Variants in NVL observed in about 807,000 individuals in gnomAD.
NVL encodes nuclear valosin-containing protein-like.
In NVL, 84 loss-of-function variants were observed where a neutral mutation model predicts 110.2. The ratio of observed to expected loss-of-function variants is 0.76; its 90% CI spans 0.64 to 0.91. NVL has a LOEUF of 0.91. NVL is among the 40% of genes least tolerant of loss of function. The pLI, the probability that NVL is intolerant of heterozygous loss-of-function variation, is 0.00. For missense variants in NVL, 882 were observed against 1,035.9 expected, an observed-to-expected ratio of 0.85 and a Z score of 2.04; for synonymous variants, 354 against 361.1, an observed-to-expected ratio of 0.98 and a Z score of 0.22.
chr1:224,264,393 G>A (rs565795637), intron 18 of NVL, among the ~76,000 whole-genome samples: 4 of 151,656 alleles, frequency 2.6e-5, no homozygotes, highest in South Asian at 4.2e-4. Flanking sequence ...GATTGCAGGC[G>A]CCCACCACCA....
At chr1:224,241,591 C>T (rs897342512) in intron 19 of NVL, among the ~76,000 whole-genome samples, 1 of 152,046 alleles carries the variant, frequency 6.6e-6, no homozygotes, top group Non-Finnish European at 1.5e-5. Context: ...CGTGGTGGCT[C>T]ATGCCTGTAA....
chr1:224,237,543 A>C (rs972141214), intron 19 of NVL, among the ~76,000 whole-genome samples: 4 of 152,108 alleles, frequency 2.6e-5, no homozygotes, highest in African/African-American at 9.7e-5. Flanking sequence ...CATTATGTTT[A>C]ATAATATTTT....
chr1:224,301,380 C>A (rs896406540), intron 9 of NVL, among the ~76,000 whole-genome samples: 10 of 152,062 alleles, frequency 6.6e-5, no homozygotes, highest in African/African-American at 2.2e-4. Flanking sequence ...GCTGGGGATA[C>A]AGGAGTGACC....
chr1:224,305,079 G>A lies in NVL; in HGVS notation c.703C>T (p.Leu235Phe), dbSNP rs772783443. The A allele has an allele frequency of 6.2e-7, 1 of 1,613,780 alleles. No individual in the cohort carries two copies. Among genetic ancestry groups the A allele is most frequent in the East Asian group, 2.2e-5 (1 of 44,866 alleles). ...TCAATTTCTCCATCTACTTCCTGAA[G>A]ATCTTCTTTCTTCCTTTTGCTTCCT... Reference protein sequence around the residue: ...NKGSKRKKEDLQEVDGEIEAV... With the variant: ...NKGSKRKKEDFQEVDGEIEAV... The change falls in exon 7 of 23, where the codon CTT becomes TTT. Residue 235 changes from leucine (L) to phenylalanine (F), a missense_variant. Physicochemically the swap from Leu to Phe is conservative, Grantham distance 22 (BLOSUM62 0). Coordinates refer to ENST00000281701, the MANE Select transcript of NVL (RefSeq NM_002533.4).
intron 20 of NVL, among the ~76,000 whole-genome samples, chr1:224,235,409 C>A (rs1660351335): frequency 6.6e-6 from 1 of 152,124 alleles, no homozygotes; most frequent in Non-Finnish European, 1.5e-5. Flanking sequence ...CTCAAGTGAT[C>A]TGCCCACCTC....
chr1:224,270,451 G>A (rs1482965975), intron 17 of NVL, among the ~76,000 whole-genome samples: 3 of 152,114 alleles, frequency 2.0e-5, no homozygotes, highest in African/African-American at 2.4e-5. Flanking sequence ...CCAGCTGCAC[G>A]GGAAGCTGAG....
chr1:224,298,078 C>T (rs1668045788), intron 10 of NVL, among the ~76,000 whole-genome samples: 1 of 151,460 alleles, frequency 6.6e-6, no homozygotes, highest in Non-Finnish European at 1.5e-5. Flanking sequence ...GTAGTGCATG[C>T]CTGTAATCCC....
At chr1:224,247,663 T>A (rs932817591) in intron 19 of NVL, among the ~76,000 whole-genome samples, 1 of 135,842 alleles carries the variant, frequency 7.4e-6, no homozygotes, top group East Asian at 2.1e-4. Flanking sequence ...AGTGACACTC[T>A]GTCTCAAAAA....
At chr1:224,305,750 C>T (rs1209907416) in intron 6 of NVL, among the ~76,000 whole-genome samples, 3 of 152,212 alleles carry the variant, frequency 2.0e-5, no homozygotes, top group African/African-American at 7.2e-5. Flanking sequence ...GCCATGTTGG[C>T]CAGGCTGGTA....
intron 9 of NVL, among the ~76,000 whole-genome samples, chr1:224,302,350 G>A (rs910870955): frequency 9.2e-5 from 14 of 152,034 alleles, no homozygotes; most frequent in African/African-American, 2.7e-4. Context: ...GCAGGCATGC[G>A]CCACCACACC....
chr1:224,239,947 G>A (rs2102719822), intron 19 of NVL, among the ~76,000 whole-genome samples: 1 of 152,252 alleles, frequency 6.6e-6, no homozygotes, highest in Admixed American at 6.5e-5. Context: ...CACCAGGCTG[G>A]AGTGCAGTGA....
intron 18 of NVL, among the ~76,000 whole-genome samples, chr1:224,256,766 C>T (rs779780387): frequency 5.3e-5 from 8 of 152,140 alleles, no homozygotes; most frequent in Non-Finnish European, 1.0e-4. Flanking sequence ...CTTCCCTAAA[C>T]AGGCCCCTAC....
At chr1:224,282,287 C>T (rs1666441462) in intron 15 of NVL, among the ~76,000 whole-genome samples, 1 of 151,920 alleles carries the variant, frequency 6.6e-6, no homozygotes, top group Non-Finnish European at 1.5e-5. Context: ...AGGCTGAAAC[C>T]TACAACTTTC....
intron 5 of NVL, among the ~76,000 whole-genome samples, chr1:224,310,793 C>T (rs1225186895): frequency 6.6e-6 from 1 of 151,874 alleles, no homozygotes; most frequent in Admixed American, 6.6e-5. Context: ...TGGAATGGCA[C>T]AATCATAGCT....
intron 2 of NVL, among the ~76,000 whole-genome samples, chr1:224,324,899 T>C (rs1034865194): frequency 6.6e-6 from 1 of 152,174 alleles, no homozygotes; most frequent in Admixed American, 6.5e-5. Flanking sequence ...TATATTCTTA[T>C]GTTGATGTCC....
intron 16 of NVL, among the ~76,000 whole-genome samples, chr1:224,279,346 G>T (rs116681312): frequency 0.024 from 3,598 of 152,206 alleles, 157 homozygotes; most frequent in African/African-American, 0.081. Context: ...GCTGAGATAG[G>T]AGGATCACCT....
chr1:224,241,434 CATT>C (rs576396888), intron 19 of NVL, among the ~76,000 whole-genome samples: 7 of 152,176 alleles, frequency 4.6e-5, no homozygotes, highest in Admixed American at 2.0e-4. Flanking sequence ...TTCTTTATGA[CATT>C]ATCTCTATTA....
At position 224,236,511 on chromosome 1, in the gene NVL, G is replaced by GCAAT; in HGVS notation, c.2357_2360dup (p.Cys787Ter). ...CTTAAGATTTAAACACTTACGTATA[G>GCAAT]CAATCACAGCGAAGGTCACCAGCAA... On this transcript the variant is annotated stop_gained and frameshift_variant, in exon 20 of 23. Transcript: ENST00000281701. LOFTEE classifies it high-confidence loss of function. The GCAAT allele has an allele frequency of 6.2e-7, 1 of 1,612,138 alleles. No individual in the cohort carries two copies. The highest frequency in any genetic ancestry group is 8.5e-7 in the Non-Finnish European group (1 of 1,178,216).
chr1:224,314,231 A>G (rs1669841207), intron 4 of NVL, among the ~76,000 whole-genome samples: 1 of 152,210 alleles, frequency 6.6e-6, no homozygotes, highest in African/African-American at 2.4e-5. Context: ...TCAACATAAA[A>G]AAGTGATGTG....
Sources: allele counts gnomAD v4.1 joint callset (sites outside exome capture counted in the v4.1 genomes callset), GRCh38; gene constraint gnomAD v4.1.1; transcripts MANE v1.5; gene names NCBI Gene and HGNC (gene_info 2026-07-23, HGNC 2026-07-21).